SPATA13: variants seen among roughly 807,000 people sequenced by gnomAD.
SPATA13 encodes spermatogenesis-associated protein 13.
SPATA13 carries 50 observed loss-of-function variants against 104.0 expected under a neutral mutation model. The observed-to-expected ratio is 0.48, with a 90% CI of 0.38 to 0.61. SPATA13 has a LOEUF of 0.61. SPATA13 is among the 20% of genes least tolerant of loss of function. The pLI is 0.00. For missense variants in SPATA13, 1,524 were observed against 1,690.6 expected, an observed-to-expected ratio of 0.90 and a Z score of 1.73; for synonymous variants, 606 against 667.5, an observed-to-expected ratio of 0.91 and a Z score of 1.42.
rs1475675839 is a variant in SPATA13 at position 24,161,849 on chromosome 13, AT to A, written c.-112+921del. Among the ~76,000 whole-genome samples, 2 of 151,916 alleles carry A rather than the reference AT, an allele frequency of 1.3e-5. No homozygotes were observed. Among genetic ancestry groups the A allele is most frequent in the African/African-American group, 4.8e-5 (2 of 41,356 alleles). On this transcript the variant is annotated intron_variant, in intron 1 of 12. Transcript: ENST00000382108. The surrounding 1 kb of genome is among the most constrained non-coding windows in gnomAD (Gnocchi z 4.5). ...ATATTATGCACCTCCCCCTGCCAGC[AT>A]TTTCTCTGTCCCCACCTTCGGTTTT...
intron 2 of SPATA13, among the ~76,000 whole-genome samples, chr13:23,993,572 C>T (rs1418729361): frequency 2.0e-5 from 3 of 152,218 alleles, no homozygotes. Context: ...CGGCCCAGCA[C>T]CTGATACCAT....
chr13:24,210,839 A>G (rs1193066526), intron 1 of SPATA13, among the ~76,000 whole-genome samples: 2 of 148,072 alleles, frequency 1.4e-5, no homozygotes, highest in Non-Finnish European at 3.0e-5. Flanking sequence ...TTTCAGTAGT[A>G]TGGACATTTT....
chr13:24,143,083 C>A (rs1374126784), intron 3 of SPATA13, among the ~76,000 whole-genome samples: 1 of 152,188 alleles, frequency 6.6e-6, no homozygotes, highest in Non-Finnish European at 1.5e-5. Flanking sequence ...GGGCAGCAGG[C>A]GAGAGGCAGG....
At chr13:24,298,210 CT>C (rs1417958257) in intron 11 of SPATA13, among the ~76,000 whole-genome samples, 1 of 152,186 alleles carries the variant, frequency 6.6e-6, no homozygotes, top group Non-Finnish European at 1.5e-5. Context: ...ATCACCCAGG[CT>C]ATCAGAAGTA....
At chr13:23,990,216 C>G (rs912869) in intron 2 of SPATA13, among the ~76,000 whole-genome samples, 92,658 of 152,016 alleles carry the variant, frequency 0.61, 29,512 homozygotes, top group Non-Finnish European at 0.71. Context: ...TTTCCACATT[C>G]AGCAGTTTTA....
At chr13:24,119,069 C>A (rs1338897536) in intron 3 of SPATA13, among the ~76,000 whole-genome samples, 1 of 151,952 alleles carries the variant, frequency 6.6e-6, no homozygotes, top group African/African-American at 2.4e-5. Flanking sequence ...CCGCTCCCTG[C>A]TAATTTTTTT....
chr13:24,150,153 A>G (rs1882055102), intron 3 of SPATA13, among the ~76,000 whole-genome samples: 1 of 152,130 alleles, frequency 6.6e-6, no homozygotes, highest in African/African-American at 2.4e-5. Flanking sequence ...ATGGTGGGCC[A>G]GACCCTCTGT....
chr13:24,193,281 TGAGCTGGGG>T (rs888246828), intron 1 of SPATA13, among the ~76,000 whole-genome samples: 1 of 151,050 alleles, frequency 6.6e-6, no homozygotes, highest in African/African-American at 2.5e-5. Context: ...ATGACTCCAG[TGAGCTGGGG>T]GCACAAGGGA....
At chr13:24,021,922 A>G (rs1339980768) in intron 3 of SPATA13, among the ~76,000 whole-genome samples, 1 of 152,002 alleles carries the variant, frequency 6.6e-6, no homozygotes, top group Non-Finnish European at 1.5e-5. Flanking sequence ...CGTATTAGGC[A>G]GGATGGTCTC....
rs1397092206 is a variant in SPATA13 at position 24,305,130 on chromosome 13, C to G, written c.*2357C>G. ...TTCAGTGAGGATTCAGTTTAAGAGTCATTCTTAGGACTTCCATTTCCTAAT... is the reference window on the plus strand; with the variant it reads ...TTCAGTGAGGATTCAGTTTAAGAGTGATTCTTAGGACTTCCATTTCCTAAT... On this transcript the variant is annotated 3_prime_UTR_variant, in exon 13 of 13. Coordinates refer to ENST00000382108, the MANE Select transcript of SPATA13 (RefSeq NM_001166271.3). 1 of 152,100 alleles carries G rather than the reference C, an allele frequency of 6.6e-6. No individual in the cohort carries two copies. Among genetic ancestry groups the G allele is most frequent in the Non-Finnish European group, 1.5e-5 (1 of 67,988 alleles). The allele number at this position is 152,100 out of a possible 1,614,324, so 9.4% of individuals were successfully genotyped here.
chr13:24,300,880 C>A (rs1877135231), intron 12 of SPATA13, among the ~76,000 whole-genome samples: 1 of 152,150 alleles, frequency 6.6e-6, no homozygotes, highest in Admixed American at 6.5e-5. Flanking sequence ...AACTGCTTGT[C>A]AGCTGTAGGC....
Position 24,303,279 on chromosome 13 carries a change from A to T in SPATA13, c.*506A>T. 1 of 401,418 alleles carries T rather than the reference A, an allele frequency of 2.5e-6. No individual in the cohort carries two copies. 24.9% of individuals were successfully genotyped at this position (401,418 alleles called of 1,614,324 possible). A position where few individuals can be genotyped will look rare whatever the true frequency, so the allele number is the denominator to read the frequency against. On this transcript the variant is annotated 3_prime_UTR_variant, in exon 13 of 13. Coordinates refer to ENST00000382108, the MANE Select transcript of SPATA13 (RefSeq NM_001166271.3). ...TTGAGCTCTTACTCTCTTCTGTAAT[A>T]CTGGGGGACCTACAGCTGCCGTGGG... is the stretch of plus-strand genomic sequence containing the variant.
chr13:24,300,270 C>A, intron 11 of SPATA13, 131 bp from the exon 12 acceptor site: 1 of 659,422 alleles, frequency 1.5e-6, no homozygotes, highest in Non-Finnish European at 2.6e-6. Flanking sequence ...TGTCCACGTT[C>A]TTTGAGGATT....
chr13:24,057,314 G>T (rs9551046), intron 3 of SPATA13, among the ~76,000 whole-genome samples: 1 of 150,924 alleles, frequency 6.6e-6, no homozygotes, highest in African/African-American at 2.4e-5. Flanking sequence ...GGCCTGTGGC[G>T]CTTTGCACTC....
At chr13:24,254,422 G>C (rs1873677025) in intron 4 of SPATA13, 1 of 152,314 alleles carries the variant, frequency 6.6e-6, no homozygotes, top group Non-Finnish European at 1.5e-5. Flanking sequence ...ATCCAGGGCA[G>C]TATGGCAACT....
intron 3 of SPATA13, among the ~76,000 whole-genome samples, chr13:24,055,338 A>G (rs7991257): frequency 0.98 from 148,542 of 152,296 alleles, 72,569 homozygotes; most frequent in East Asian, 1. Context: ...CCCAGATGCA[A>G]TCAGCATGCC....
chr13:23,998,729 C>T lies in SPATA13; in HGVS notation c.-147+14796C>T, dbSNP rs373843397. Among the ~76,000 whole-genome samples, 5 of 152,208 alleles carry T rather than the reference C, an allele frequency of 3.3e-5. No homozygotes were observed. In the South Asian group the frequency reaches 1.0e-3, roughly 32 times the overall value. On this transcript the variant is annotated intron_variant, in intron 2 of 14. Transcript: ENST00000424834. Reference sequence around the variant, plus strand: ...AGGTTTTACATTTAGGTCTATGATTCATTTTCAGTTAATTTTTATATGTGG... The same window carrying T: ...AGGTTTTACATTTAGGTCTATGATTTATTTTCAGTTAATTTTTATATGTGG...
intron 3 of SPATA13, among the ~76,000 whole-genome samples, chr13:24,143,835 G>C (rs1450148246): frequency 6.6e-6 from 1 of 152,194 alleles, no homozygotes; most frequent in Non-Finnish European, 1.5e-5. Context: ...GGACTTACTT[G>C]GAGGAACATG....
chr13:24,051,818 G>C lies in SPATA13; in HGVS notation c.-112+34117G>C, dbSNP rs1224520925. On this transcript the variant is annotated intron_variant, in intron 3 of 14. Coordinates refer to the SPATA13 transcript ENST00000424834. The surrounding 1 kb of genome is among the most constrained non-coding windows in gnomAD (Gnocchi z 4.2). ...AGCCTGCTAAGAGTTATGTTCTCCA[G>C]GGCAGGGCAGAGGGAGATGCCCAAG... 6.6e-6 allele frequency among the ~76,000 whole-genome samples: 1 copy of C among 152,172 alleles called. No individual in the cohort carries two copies. The highest frequency in any genetic ancestry group is 1.5e-5 in the Non-Finnish European group (1 of 68,032).
Sources: allele counts gnomAD v4.1 joint callset (sites outside exome capture counted in the v4.1 genomes callset), GRCh38; gene constraint gnomAD v4.1.1; non-coding constraint Gnocchi (gnomAD v3.1); transcripts MANE v1.5; gene names NCBI Gene and HGNC (gene_info 2026-07-23, HGNC 2026-07-21).